LGR5: variants seen among roughly 807,000 people sequenced by gnomAD.
LGR5 encodes leucine-rich repeat-containing G protein-coupled receptor 5.
Under a neutral mutation model 76.7 loss-of-function variants are expected in LGR5, and 54 were observed. The ratio of observed to expected loss-of-function variants is 0.70; its 90% confidence interval spans 0.57 to 0.88. LGR5 has a LOEUF of 0.88. LGR5 is among the 40% of genes least tolerant of loss of function. LGR5 has a pLI of 0.00. For synonymous variants in LGR5, 406 were observed against 421.9 expected, an observed-to-expected ratio of 0.96 and a Z score of 0.46; for missense variants, 1,078 against 1,073.3, an observed-to-expected ratio of 1.00 and a Z score of -0.06.
chr12:71,548,082 G>C (rs949870683), intron 4 of LGR5, among the ~76,000 whole-genome samples: 1 of 152,098 alleles, frequency 6.6e-6, no homozygotes, highest in Non-Finnish European at 1.5e-5. Flanking sequence ...CTGAATGAAG[G>C]CAAGGCCACT....
intron 1 of LGR5, among the ~76,000 whole-genome samples, chr12:71,479,864 G>T (rs868733265): frequency 1.3e-5 from 2 of 152,162 alleles, no homozygotes; most frequent in African/African-American, 4.8e-5. Flanking sequence ...AGGATGGAGA[G>T]TTAGGCACTG....
intron 4 of LGR5, among the ~76,000 whole-genome samples, chr12:71,540,255 A>G (rs1385122314): frequency 6.6e-6 from 1 of 152,218 alleles, no homozygotes; most frequent in Non-Finnish European, 1.5e-5. Flanking sequence ...TTGCATATTC[A>G]TGTTTGTCCA....
intron 9 of LGR5, 59 bp downstream of exon 9, chr12:71,566,534 A>G: frequency 1.3e-6 from 2 of 1,536,748 alleles, no homozygotes; most frequent in Non-Finnish European, 1.8e-6. Flanking sequence ...GTGAAAAACC[A>G]AATGAATATT....
intron 6 of LGR5, among the ~76,000 whole-genome samples, chr12:71,556,934 T>G (rs1431546444): frequency 2.2e-4 from 33 of 152,122 alleles, no homozygotes; most frequent in Non-Finnish European, 5.9e-5. Context: ...AATGAGATGT[T>G]CTCTACTAAG....
intron 1 of LGR5, among the ~76,000 whole-genome samples, chr12:71,442,071 C>T (rs1871793077): frequency 6.6e-6 from 1 of 152,208 alleles, no homozygotes; most frequent in Admixed American, 6.5e-5. Flanking sequence ...GGGAGGTGTG[C>T]AGTACCCCCA....
At chr12:71,539,420 C>A (rs1876761916) in intron 4 of LGR5, among the ~76,000 whole-genome samples, 1 of 152,100 alleles carries the variant, frequency 6.6e-6, no homozygotes, top group Non-Finnish European at 1.5e-5. Flanking sequence ...ACTTATTCCA[C>A]ATATACAAAA....
intron 1 of LGR5, among the ~76,000 whole-genome samples, chr12:71,442,805 T>C (rs936961617): frequency 6.6e-6 from 1 of 152,250 alleles, no homozygotes; most frequent in Non-Finnish European, 1.5e-5. Context: ...TGACCATTTC[T>C]GTCTTCACTT....
At chr12:71,543,961 A>C (rs540035629) in intron 4 of LGR5, among the ~76,000 whole-genome samples, 32 of 152,340 alleles carry the variant, frequency 2.1e-4, no homozygotes, top group African/African-American at 7.7e-4. Context: ...AAGAAAAATA[A>C]AACTGAAGAA....
At chr12:71,482,714 C>A (rs1328979319) in intron 1 of LGR5, among the ~76,000 whole-genome samples, 1 of 152,190 alleles carries the variant, frequency 6.6e-6, no homozygotes, top group Non-Finnish European at 1.5e-5. Flanking sequence ...CCACAATCTA[C>A]AGGACAGCCC....
intron 1 of LGR5, among the ~76,000 whole-genome samples, chr12:71,458,775 T>C (rs1872582952): frequency 6.6e-6 from 1 of 152,174 alleles, no homozygotes; most frequent in African/African-American, 2.4e-5. Context: ...GCTGAGGGTA[T>C]AGCAGTTTAC....
At chr12:71,501,885 A>T (rs1377670363) in intron 1 of LGR5, among the ~76,000 whole-genome samples, 4 of 152,204 alleles carry the variant, frequency 2.6e-5, no homozygotes, top group Non-Finnish European at 4.4e-5. Flanking sequence ...TTTTAACATC[A>T]ATGTAAAAGT....
intron 1 of LGR5, among the ~76,000 whole-genome samples, chr12:71,492,223 T>A (rs1053501015): frequency 6.6e-6 from 1 of 152,070 alleles, no homozygotes; most frequent in African/African-American, 2.4e-5. Context: ...AACAAAGCAG[T>A]TTAGGTTCAG....
intron 13 of LGR5, among the ~76,000 whole-genome samples, chr12:71,575,070 T>G (rs961999045): frequency 3.9e-5 from 6 of 152,224 alleles, no homozygotes; most frequent in African/African-American, 1.4e-4. Flanking sequence ...TGCCTGCGTT[T>G]GAATTGCAGC....
intron 4 of LGR5, among the ~76,000 whole-genome samples, chr12:71,535,582 G>A (rs945980349): frequency 6.6e-6 from 1 of 151,870 alleles, no homozygotes; most frequent in African/African-American, 2.4e-5. Flanking sequence ...AGGATTATTT[G>A]AGTTGCCTTG....
intron 2 of LGR5, among the ~76,000 whole-genome samples, chr12:71,512,876 G>A (rs1875233454): frequency 6.6e-6 from 1 of 152,228 alleles, no homozygotes; most frequent in Non-Finnish European, 1.5e-5. Flanking sequence ...TGATGGGTCT[G>A]TTCTAGAGAT....
At chr12:71,518,711 A>G (rs1464699254) in intron 2 of LGR5, among the ~76,000 whole-genome samples, 1 of 152,182 alleles carries the variant, frequency 6.6e-6, no homozygotes, top group Non-Finnish European at 1.5e-5. Flanking sequence ...ACATGGATGG[A>G]GGCCATTATC....
intron 13 of LGR5, among the ~76,000 whole-genome samples, chr12:71,573,723 T>C (rs1407514493): frequency 6.6e-6 from 1 of 152,108 alleles, no homozygotes; most frequent in Non-Finnish European, 1.5e-5. Context: ...GACTATACCT[T>C]TGGTAAAATA....
At chr12:71,552,024 T>C (rs1877508641) in intron 4 of LGR5, among the ~76,000 whole-genome samples, 1 of 151,446 alleles carries the variant, frequency 6.6e-6, no homozygotes, top group Non-Finnish European at 1.5e-5. Context: ...AAAAATGTAC[T>C]CAGTTCCAGT....
At chr12:71,517,945 C>G (rs1011394727) in intron 2 of LGR5, among the ~76,000 whole-genome samples, 1 of 152,108 alleles carries the variant, frequency 6.6e-6, no homozygotes, top group African/African-American at 2.4e-5. Flanking sequence ...TCAGCTTGGA[C>G]TTTTCTTCCA....
Sources: allele counts gnomAD v4.1 joint callset (sites outside exome capture counted in the v4.1 genomes callset), GRCh38; gene constraint gnomAD v4.1.1; transcripts MANE v1.5; gene names NCBI Gene and HGNC (gene_info 2026-07-23, HGNC 2026-07-21).